The following ANKS1B variants were observed in gnomAD, a reference collection of about 807,000 sequenced individuals.
ANKS1B encodes ankyrin repeat and sterile alpha motif domain-containing protein 1B.
Under a neutral mutation model 148.3 loss-of-function variants are expected in ANKS1B, and 36 were observed. The observed-to-expected ratio is 0.24, with a 90% CI of 0.19 to 0.32. ANKS1B has a LOEUF of 0.32. ANKS1B is among the 10% of genes least tolerant of loss of function. The pLI, the probability that ANKS1B is intolerant of heterozygous loss-of-function variation, is 1.00. For missense variants in ANKS1B, 1,157 were observed against 1,542.6 expected, an observed-to-expected ratio of 0.75 and a Z score of 4.19; for synonymous variants, 542 against 560.8, an observed-to-expected ratio of 0.97 and a Z score of 0.47.
intron 1 of ANKS1B, among the ~76,000 whole-genome samples, chr12:99,939,451 G>A (rs777032354): frequency 6.6e-6 from 1 of 151,786 alleles, no homozygotes; most frequent in Non-Finnish European, 1.5e-5. Flanking sequence ...GAATAGTCTT[G>A]AACTCCTGGA....
intron 11 of ANKS1B, among the ~76,000 whole-genome samples, chr12:99,412,108 T>C (rs11109829): frequency 0.095 from 14,422 of 152,248 alleles, 867 homozygotes; most frequent in Non-Finnish European, 0.13. Context: ...TAAAATAGCC[T>C]GTTATTAACT....
chr12:99,243,279 C>T (rs534526886), intron 14 of ANKS1B, among the ~76,000 whole-genome samples: 1 of 152,314 alleles, frequency 6.6e-6, no homozygotes, highest in Non-Finnish European at 1.5e-5. Flanking sequence ...TGAAAAAATG[C>T]TCATCCTCAC....
rs778361685 is a variant in ANKS1B, at chr12:98,807,900, T to C, written c.3085A>G (p.Ile1029Val). 1.2e-6 allele frequency: 2 copies of C among 1,613,400 alleles called. No individual in the cohort carries two copies. Among genetic ancestry groups the C allele is most frequent in the Non-Finnish European group, 1.7e-6 (2 of 1,179,618 alleles). ...AATCCTGCGTTCTGATTCGTCCATATTTCACAGACAGACGACTGCTGATAT... is the reference window on the plus strand; with the variant it reads ...AATCCTGCGTTCTGATTCGTCCATACTTCACAGACAGACGACTGCTGATAT... ...QMAQQSSVCE[I>V]WTNQNAGFPF... The change falls in exon 20 of 27, where the codon ATA becomes GTA. Residue 1029 changes from isoleucine (I) to valine (V), a missense_variant. Coordinates refer to ENST00000683438, the MANE Select transcript of ANKS1B (RefSeq NM_001352186.2).
intron 17 of ANKS1B, among the ~76,000 whole-genome samples, chr12:99,005,452 T>G (rs763184428): frequency 6.6e-5 from 10 of 152,070 alleles, no homozygotes; most frequent in Non-Finnish European, 1.5e-4. Context: ...GTATAAAAGG[T>G]TTAGTCATGG....
At chr12:99,841,291 G>A (rs2085706128) in intron 1 of ANKS1B, among the ~76,000 whole-genome samples, 1 of 151,868 alleles carries the variant, frequency 6.6e-6, no homozygotes, top group Non-Finnish European at 1.5e-5. Flanking sequence ...CTTTCACGAT[G>A]GTCATACAGC....
At chr12:99,780,055 T>C in intron 5 of ANKS1B, 83 bp from the exon 6 acceptor site, 1 of 977,884 alleles carries the variant, frequency 1.0e-6, no homozygotes, top group South Asian at 1.4e-5. Flanking sequence ...TGCTGTAATT[T>C]CAGACATATA....
At chr12:98,830,226 G>A (rs1452368767) in intron 18 of ANKS1B, among the ~76,000 whole-genome samples, 2 of 151,970 alleles carry the variant, frequency 1.3e-5, no homozygotes, top group Non-Finnish European at 2.9e-5. Flanking sequence ...CTCCTTCCAT[G>A]TAGCAAAATG....
intron 15 of ANKS1B, among the ~76,000 whole-genome samples, chr12:99,122,146 T>C (rs1193887437): frequency 6.6e-6 from 1 of 152,176 alleles, no homozygotes; most frequent in Non-Finnish European, 1.5e-5. Context: ...ATGGGGATAA[T>C]GATCGATTTT....
intron 17 of ANKS1B, among the ~76,000 whole-genome samples, chr12:98,867,681 T>G (rs2099631878): frequency 6.7e-6 from 1 of 150,072 alleles, no homozygotes; most frequent in South Asian, 2.1e-4. Context: ...TTCATCCTGG[T>G]GAAACCCCGT....
At chr12:99,241,696 C>T (rs550841865) in intron 14 of ANKS1B, among the ~76,000 whole-genome samples, 3 of 152,278 alleles carry the variant, frequency 2.0e-5, no homozygotes, top group East Asian at 3.9e-4. Flanking sequence ...GAAGCTTATC[C>T]ACCACGATCA....
intron 17 of ANKS1B, among the ~76,000 whole-genome samples, chr12:98,983,387 C>A (rs995780501): frequency 6.6e-6 from 1 of 152,060 alleles, no homozygotes; most frequent in Admixed American, 6.6e-5. Context: ...CAATGGAGAC[C>A]CTCCTTTGCA....
intron 8 of ANKS1B, among the ~76,000 whole-genome samples, chr12:99,698,198 C>A (rs914721078): frequency 6.6e-6 from 1 of 151,870 alleles, no homozygotes; most frequent in Admixed American, 6.6e-5. Flanking sequence ...ACATATAAAC[C>A]TAATTATATA....
chr12:99,921,978 T>A (rs1371994644), intron 1 of ANKS1B, among the ~76,000 whole-genome samples: 5 of 152,096 alleles, frequency 3.3e-5, no homozygotes, highest in Admixed American at 2.0e-4. Context: ...ACAATAAGCA[T>A]CCTAGAGTCA....
intron 17 of ANKS1B, among the ~76,000 whole-genome samples, chr12:99,036,058 G>C (rs2099955356): frequency 6.6e-6 from 1 of 152,150 alleles, no homozygotes; most frequent in Non-Finnish European, 1.5e-5. Flanking sequence ...ATCACACAGG[G>C]CCTGCACCTC....
intron 12 of ANKS1B, among the ~76,000 whole-genome samples, chr12:99,335,457 A>ATT (rs74994084): frequency 2.6e-5 from 4 of 151,054 alleles, no homozygotes; most frequent in African/African-American, 9.8e-5. Flanking sequence ...TATTCATTCT[A>ATT]TTTTTTTTAA....
chr12:99,410,811 T>C lies in ANKS1B; in HGVS notation c.1576-11000A>G, dbSNP rs567781226. Among the ~76,000 whole-genome samples, 4 of 152,334 alleles carry C rather than the reference T, an allele frequency of 2.6e-5. 1 individual carries two copies. Among genetic ancestry groups the C allele is most frequent in the African/African-American group, 7.2e-5 (3 of 41,570 alleles). ...TAGGACCCCTTGTTTCAAGAGCAGG[T>C]ACAAAAACTTTTTTCTTTTTCCCAT... On this transcript the variant is annotated intron_variant, in intron 11 of 26. Coordinates refer to ENST00000683438, the MANE Select transcript of ANKS1B (RefSeq NM_001352186.2).
At chr12:99,486,024 CATTTCAAAG>C (rs1440137212) in intron 10 of ANKS1B, among the ~76,000 whole-genome samples, 1 of 152,130 alleles carries the variant, frequency 6.6e-6, no homozygotes, top group African/African-American at 2.4e-5. Flanking sequence ...ACTTATGTGG[CATTTCAAAG>C]ATTTCATCTT....
intron 1 of ANKS1B, among the ~76,000 whole-genome samples, chr12:99,898,300 A>C (rs1161202561): frequency 6.6e-6 from 1 of 152,188 alleles, no homozygotes; most frequent in Non-Finnish European, 1.5e-5. Flanking sequence ...CCTGTACTTC[A>C]AATCAATTTC....
intron 22 of ANKS1B, among the ~76,000 whole-genome samples, chr12:98,787,265 T>C (rs2098803929): frequency 6.6e-6 from 1 of 152,198 alleles, no homozygotes; most frequent in South Asian, 2.1e-4. Flanking sequence ...CATTTGAAAC[T>C]GAGCTTAAAG....
Sources: gnomAD v4.1 joint callset for allele counts (sites outside exome capture counted in the v4.1 genomes callset) on GRCh38, gnomAD v4.1.1 for gene constraint, MANE v1.5 for transcripts, NCBI Gene and HGNC (gene_info 2026-07-23, HGNC 2026-07-21) for gene names.